CENPP: variants seen among roughly 807,000 people sequenced by gnomAD.
The protein encoded by CENPP is centromere protein P.
In CENPP, 24 loss-of-function variants were observed where a neutral mutation model predicts 35.6. The observed-to-expected ratio is 0.67, with a 90% CI of 0.49 to 0.95. The LOEUF (loss-of-function observed/expected upper bound fraction) is 0.95. Ranked by LOEUF, CENPP falls within the 40% of genes least tolerant of loss-of-function variation. The pLI is 0.00. For synonymous variants in CENPP, 120 were observed against 125.5 expected (o/e 0.96, Z 0.29); for missense variants, 332 against 345.3 (o/e 0.96, Z 0.31).
intron 5 of CENPP, among the ~76,000 whole-genome samples, chr9:92,466,813 A>T (rs1403216332): frequency 1.3e-5 from 2 of 152,232 alleles, no homozygotes; most frequent in Non-Finnish European, 2.9e-5. Context: ...GCATCTTTTT[A>T]ATCTTTGAAT....
chr9:92,546,663 A>G (rs559559526), intron 5 of CENPP, among the ~76,000 whole-genome samples: 8 of 152,308 alleles, frequency 5.3e-5, no homozygotes, highest in African/African-American at 1.7e-4. Context: ...TAAGAACTGT[A>G]ACACTCACCG....
chr9:92,604,100 C>T (rs138358056), intron 5 of CENPP, among the ~76,000 whole-genome samples: 31 of 152,312 alleles, frequency 2.0e-4, no homozygotes, highest in African/African-American at 7.5e-4. Flanking sequence ...ATTGCTGGAT[C>T]ACGTAGTAAG....
chr9:92,549,288 A>G (rs1484424211), intron 5 of CENPP, among the ~76,000 whole-genome samples: 1 of 152,180 alleles, frequency 6.6e-6, no homozygotes, highest in Admixed American at 6.5e-5. Context: ...CTTTCTCATA[A>G]CCAAAACTGT....
At chr9:92,366,850 A>T (rs1293855560) in intron 4 of CENPP, among the ~76,000 whole-genome samples, 1 of 152,204 alleles carries the variant, frequency 6.6e-6, no homozygotes, top group East Asian at 1.9e-4. Flanking sequence ...TCATGGAGTT[A>T]CTGCAGGTTG....
chr9:92,517,796 G>T, intron 5 of CENPP: 2 of 1,614,220 alleles, frequency 1.2e-6, no homozygotes, highest in Non-Finnish European at 1.7e-6. Context: ...CTGAGCAGAG[G>T]CAGGTAGTGC....
chr9:92,464,969 G>A (rs748793521), intron 5 of CENPP: 12 of 1,613,802 alleles, frequency 7.4e-6, no homozygotes, highest in Admixed American at 5.0e-5. Flanking sequence ...ATGGAACACC[G>A]TCACCCCTTC....
At chr9:92,426,629 G>A (rs915079359) in intron 5 of CENPP, among the ~76,000 whole-genome samples, 2 of 152,162 alleles carry the variant, frequency 1.3e-5, no homozygotes, top group African/African-American at 2.4e-5. Flanking sequence ...TTCAGGCACC[G>A]CTGTATGTGG....
intron 5 of CENPP, among the ~76,000 whole-genome samples, chr9:92,560,377 A>G (rs543686010): frequency 2.1e-4 from 32 of 152,300 alleles, no homozygotes; most frequent in Admixed American, 1.9e-3. Context: ...GAAGTTTGCC[A>G]TCTAGTCTTG....
chr9:92,583,900 G>A (rs1336052267), intron 5 of CENPP, among the ~76,000 whole-genome samples: 3 of 152,164 alleles, frequency 2.0e-5, no homozygotes, highest in Admixed American at 2.0e-4. Context: ...CTATGTCTTT[G>A]GAAAAGAGTA....
In CENPP at chr9:92,562,202, C is replaced by CTT. The variant is rs373787447; in HGVS notation, c.565-49109_565-49108dup. Among the ~76,000 whole-genome samples, 16 of 133,440 alleles carry CTT rather than the reference C, an allele frequency of 1.2e-4. 1 individual carries two copies. The highest frequency in any genetic ancestry group is 2.6e-4 in the East Asian group (1 of 3,836). 87.5% of individuals were successfully genotyped at this position (133,440 alleles called of 152,430 possible). On this transcript the variant is annotated intron_variant, in intron 5 of 7. Coordinates refer to ENST00000375587, the MANE Select transcript of CENPP (RefSeq NM_001012267.3). ...TCTGGAACTCAGTTTTCTTTTTTTT[C>CTT]TTTTCTTTTTTTTTTTTTTGAGATG...
chr9:92,480,748 C>A (rs902211191), intron 5 of CENPP, among the ~76,000 whole-genome samples: 4 of 152,076 alleles, frequency 2.6e-5, no homozygotes, highest in African/African-American at 9.7e-5. Context: ...TTAAACATGC[C>A]TATCAGTTCA....
intron 5 of CENPP, among the ~76,000 whole-genome samples, chr9:92,447,864 C>T (rs1290047259): frequency 2.0e-5 from 3 of 152,146 alleles, no homozygotes; most frequent in Admixed American, 6.5e-5. Context: ...CTTATGAGTT[C>T]GAAGGAAATG....
intron 2 of CENPP, among the ~76,000 whole-genome samples, chr9:92,337,305 C>G (rs1364588411): frequency 3.3e-5 from 5 of 150,360 alleles, no homozygotes; most frequent in Non-Finnish European, 7.4e-5. Flanking sequence ...GCAACAAGAG[C>G]GAAACTCCTT....
intron 5 of CENPP, among the ~76,000 whole-genome samples, chr9:92,413,502 A>G (rs1458643412): frequency 6.6e-6 from 1 of 152,148 alleles, no homozygotes; most frequent in African/African-American, 2.4e-5. Flanking sequence ...AAATTGCTCT[A>G]GGTTAGGAAT....
At chr9:92,491,396 G>T (rs1357150870) in intron 5 of CENPP, among the ~76,000 whole-genome samples, 1 of 152,118 alleles carries the variant, frequency 6.6e-6, no homozygotes, top group Non-Finnish European at 1.5e-5. Flanking sequence ...AAGGTGAAAG[G>T]CTCAAGTCAG....
At chr9:92,380,315 C>T in intron 5 of CENPP, among the ~76,000 whole-genome samples, 1 of 152,150 alleles carries the variant, frequency 6.6e-6, no homozygotes, top group East Asian at 1.9e-4. Context: ...GATATGGGTA[C>T]TTTAAAGTAC....
At chr9:92,446,355 A>G (rs1420167153) in intron 5 of CENPP, among the ~76,000 whole-genome samples, 1 of 152,168 alleles carries the variant, frequency 6.6e-6, no homozygotes, top group African/African-American at 2.4e-5. Context: ...GGTGATTGGG[A>G]AAATCGGTTT....
intron 5 of CENPP, among the ~76,000 whole-genome samples, chr9:92,518,391 G>A (rs914269120): frequency 6.6e-6 from 1 of 152,078 alleles, no homozygotes; most frequent in African/African-American, 2.4e-5. Context: ...GACTTCCCAA[G>A]CCGCCAGCCA....
At chr9:92,572,989 G>A (rs143867248) in intron 5 of CENPP, among the ~76,000 whole-genome samples, 6,061 of 152,134 alleles carry the variant, frequency 0.04, 186 homozygotes, top group South Asian at 0.099. Context: ...TTAGCCATTC[G>A]TCTAATCTTT....
Sources: gnomAD v4.1 joint callset for allele counts (sites outside exome capture counted in the v4.1 genomes callset) on GRCh38, gnomAD v4.1.1 for gene constraint, MANE v1.5 for transcripts, NCBI Gene and HGNC (gene_info 2026-07-23, HGNC 2026-07-21) for gene names.